The following CYP2E1 variants were observed in gnomAD, a reference collection of about 807,000 sequenced individuals.
CYP2E1 encodes the protein cytochrome P450 family 2 subfamily E member 1, also known as cytochrome P450 2E1.
In CYP2E1, 31 loss-of-function variants were observed where a neutral mutation model predicts 42.9. The observed-to-expected ratio is 0.72, with a 90% confidence interval of 0.54 to 0.98. The LOEUF (loss-of-function observed/expected upper bound fraction) is 0.98, where lower values mean the gene tolerates loss of function less well. Among genes scored for constraint, CYP2E1 ranks in the 50% least tolerant of loss-of-function variants. CYP2E1 has a pLI of 0.00. For synonymous variants in CYP2E1, 244 were observed against 248.9 expected, an observed-to-expected ratio of 0.98 and a Z score of 0.19; for missense variants, 565 against 633.2, an observed-to-expected ratio of 0.89 and a Z score of 1.16.
At chr10:133,532,593 T>C (rs201351905) in intron 4 of CYP2E1, 99 bp from the exon 5 acceptor site, 1 of 1,121,402 alleles carries the variant, frequency 8.9e-7, no homozygotes, top group African/African-American at 1.6e-5. Context: ...AAACAATGAT[T>C]ACAGCCACAA....
Position 133,531,608 on chromosome 10 carries a change from A to G in CYP2E1, c.361A>G (p.Thr121Ala). 1 of 1,614,090 alleles carries G rather than the reference A, an allele frequency of 6.2e-7. No individual in the cohort carries two copies. The highest frequency in any genetic ancestry group is 8.5e-7 in the Non-Finnish European group (1 of 1,180,014). ...AGGAATCATTTTTAATAATGGACCT[A>G]CCTGGAAGGACATCCGGCGGTTTTC... ...DRGIIFNNGP[T>A]WKDIRRFSLT... is the part of the protein sequence containing the mutation. Residue 121 changes from threonine (T) to alanine (A), a missense_variant, in exon 3 of 9, where the codon ACC becomes GCC. Physicochemically the swap from Thr to Ala is moderately conservative, Grantham distance 58 (BLOSUM62 0). Transcript: ENST00000252945.
chr10:133,527,726 G>A (rs896305308), intron 1 of CYP2E1, among the ~76,000 whole-genome samples, 154 bp downstream of exon 1: 6 of 152,228 alleles, frequency 3.9e-5, no homozygotes, highest in Non-Finnish European at 8.8e-5. Context: ...CACTCAAAAT[G>A]TGTCGCCTGT....
chr10:133,529,247 G>T (rs1851309342), intron 2 of CYP2E1, among the ~76,000 whole-genome samples: 1 of 152,208 alleles, frequency 6.6e-6, no homozygotes, highest in Non-Finnish European at 1.5e-5. Flanking sequence ...GCAGAAAGCG[G>T]CCTGTTCCCT....
intron 8 of CYP2E1, among the ~76,000 whole-genome samples, chr10:133,538,433 C>T (rs935799133): frequency 5.3e-5 from 8 of 152,170 alleles, no homozygotes; most frequent in Non-Finnish European, 1.0e-4. Context: ...GGAGCCCCAG[C>T]TTCTAACAGG....
rs534578330 is a variant in CYP2E1, at chr10:133,538,835, G to A, written c.1353G>A (p.Leu451=). ...GLARMELFLL[L]CAILQHFNLK... ...CTCGCATGGAGTTGTTTCTTTTGTT[G>A]TGTGCCATTTTGCAGCATTTTAATT... The change falls in exon 9 of 9, where the codon TTG becomes TTA. Residue 451 remains leucine, a synonymous_variant. Transcript: ENST00000252945. The A allele has an allele frequency of 1.2e-6, 2 of 1,613,976 alleles. No homozygotes were observed. Among genetic ancestry groups the A allele is most frequent in the South Asian group, 1.1e-5 (1 of 91,062 alleles).
intron 1 of CYP2E1, 39 bp from the exon 2 acceptor site, chr10:133,528,442 C>T (rs1305835814): frequency 6.2e-7 from 1 of 1,606,818 alleles, no homozygotes; most frequent in Non-Finnish European, 8.5e-7. Context: ...ACCTCCTCGC[C>T]GCGCGGCGGG....
At chr10:133,535,580 C>T (rs962819943) in intron 6 of CYP2E1, among the ~76,000 whole-genome samples, 1 of 152,152 alleles carries the variant, frequency 6.6e-6, no homozygotes, top group Admixed American at 6.5e-5. Context: ...GACTACTCTG[C>T]ACTAGGGGAA....
intron 7 of CYP2E1, 80 bp downstream of exon 7, chr10:133,537,330 G>A: frequency 3.3e-6 from 5 of 1,499,690 alleles, no homozygotes; most frequent in Non-Finnish European, 4.6e-6. Context: ...GCAGGATGGG[G>A]GCCCCAAGAC....
Position 133,537,206 on chromosome 10 carries a change from G to A in CYP2E1, c.1111G>A (p.Glu371Lys). 1 of 1,614,052 alleles carries A rather than the reference G, an allele frequency of 6.2e-7. No homozygotes were observed. Among genetic ancestry groups the A allele is most frequent in the East Asian group, 2.2e-5 (1 of 44,874 alleles). Residue 371 changes from glutamate (E) to lysine (K), a missense_variant, in exon 7 of 9, where the codon GAA becomes AAA. By Grantham distance (56) the Glu-to-Lys change is moderately conservative. Transcript: ENST00000252945. ...CCTCGTGCCCTCCAACCTGCCCCAT[G>A]AAGCAACCCGAGACACCATTTTCAG... Reference protein sequence around the residue: ...ITLVPSNLPHEATRDTIFRGY... With the variant: ...ITLVPSNLPHKATRDTIFRGY...
chr10:133,531,572 C>T lies in CYP2E1; in HGVS notation c.338-13C>T. On this transcript the variant is annotated splice_polypyrimidine_tract_variant and intron_variant, in intron 2 of 8. Transcript: ENST00000252945. ...GTATTTAGAATAACCTTCTGCTGGCCCCTCTGCCTTAGGAATCATTTTTAA... is the reference window on the plus strand; with the variant it reads ...GTATTTAGAATAACCTTCTGCTGGCTCCTCTGCCTTAGGAATCATTTTTAA... 1 of 1,614,008 alleles carries T rather than the reference C, an allele frequency of 6.2e-7. No individual in the cohort carries two copies. The highest frequency in any genetic ancestry group is 1.1e-5 in the South Asian group (1 of 91,078).
chr10:133,536,336 G>T (rs898459036), intron 6 of CYP2E1, among the ~76,000 whole-genome samples: 2 of 151,950 alleles, frequency 1.3e-5, no homozygotes, highest in African/African-American at 4.8e-5. Flanking sequence ...CTTAAGCACT[G>T]CTTAGGATGC....
At chr10:133,529,517 A>G (rs1851312501) in intron 2 of CYP2E1, among the ~76,000 whole-genome samples, 1 of 152,262 alleles carries the variant, frequency 6.6e-6, no homozygotes, top group South Asian at 2.1e-4. Flanking sequence ...GAGGCTCCAG[A>G]AAACCTTTGC....
rs41299426 is a variant in CYP2E1 at position 133,532,698 on chromosome 10, A to G, written c.655A>G (p.Asn219Asp). The G allele has an allele frequency of 8.5e-5, 135 of 1,593,266 alleles. 1 individual carries two copies. The East Asian group carries it at 1.7e-3, about 20-fold the overall frequency. ...TATTTTTTTCCCTCTCTAGCTTTAC[A>G]ATAATTTTCCCAGCTTTCTACACTA... ...LLSTPWLQLYNNFPSFLHYLP... is the reference protein window; with the variant it reads ...LLSTPWLQLYDNFPSFLHYLP... Residue 219 changes from asparagine to aspartate, a missense_variant, in exon 5 of 9, where the codon AAT becomes GAT. Physicochemically the swap from Asn to Asp is conservative, Grantham distance 23. Coordinates refer to ENST00000252945, the MANE Select transcript of CYP2E1 (RefSeq NM_000773.4).
chr10:133,537,842 A>G lies in CYP2E1; in HGVS notation c.1247A>G (p.Asn416Ser), dbSNP rs1304386663. 6 of 1,613,998 alleles carry G rather than the reference A, an allele frequency of 3.7e-6. 1 individual carries two copies. Among genetic ancestry groups the G allele is most frequent in the Non-Finnish European group, 5.1e-6 (6 of 1,179,896 alleles). The change falls in exon 8 of 9, where the codon AAT (asparagine) becomes AGT (serine). Residue 416 changes from asparagine (N) to serine (S), a missense_variant. By Grantham distance (46) the Asn-to-Ser change is conservative. Coordinates refer to ENST00000252945, the MANE Select transcript of CYP2E1 (RefSeq NM_000773.4). ...AAGTTTAAGCCAGAACACTTCCTGA[A>G]TGAAAATGGAAAGTTCAAGTACAGT... ...PEKFKPEHFL[N>S]ENGKFKYSDY...
chr10:133,535,931 G>GT (rs374342619), intron 6 of CYP2E1, among the ~76,000 whole-genome samples: 22 of 152,256 alleles, frequency 1.4e-4, no homozygotes, highest in African/African-American at 5.3e-4. Context: ...TTGCAGCTTG[G>GT]TTTTTTCACT....
rs765869376 is a variant in CYP2E1, at chr10:133,533,841, C to G, written c.911C>G (p.Thr304Ser). 1.2e-6 allele frequency: 2 copies of G among 1,614,144 alleles called. No individual in the cohort carries two copies. Among genetic ancestry groups the G allele is most frequent in the Admixed American group, 1.7e-5 (1 of 60,024 alleles). Residue 304 changes from threonine (T) to serine (S), a missense_variant, in exon 6 of 9, where the codon ACC becomes AGC. Thr to Ser is a moderately conservative substitution (Grantham distance 58). Coordinates refer to ENST00000252945, the MANE Select transcript of CYP2E1 (RefSeq NM_000773.4). ...ADLFFAGTET[T>S]STTLRYGLLI... ...CTGTTCTTTGCGGGGACAGAGACCA[C>G]CAGCACAACTCTGAGATATGGGCTC...
In CYP2E1 at chr10:133,532,674, A is replaced by AT. The variant is rs1589954967; in HGVS notation, c.649-11dup. 2 of 1,556,706 alleles carry AT rather than the reference A, an allele frequency of 1.3e-6. No homozygotes were observed. Among genetic ancestry groups the AT allele is most frequent in the Non-Finnish European group, 1.7e-6 (2 of 1,154,980 alleles). On this transcript the variant is annotated splice_polypyrimidine_tract_variant and intron_variant, in intron 4 of 8. Transcript: ENST00000252945. ...TGCATCCAGAAAAAAGTAGTAAAAT[A>AT]TTTTTTTCCCTCTCTAGCTTTACAA...
Position 133,532,426 on chromosome 10 carries a change from A to G in CYP2E1, c.648+142A>G, listed in dbSNP as rs568483402. ...GAGGGGTGTTTGATTAGACAGCCCA[A>G]ATATTCCTCCCAGAGACATCTCTGG... On this transcript the variant is annotated intron_variant, in intron 4 of 8. Transcript: ENST00000252945. 2,256 of 864,896 alleles carry G rather than the reference A, an allele frequency of 2.6e-3. 9 individuals are homozygous for G. The highest frequency in any genetic ancestry group is 3.3e-3 in the Non-Finnish European group (1,886 of 564,820). The allele number at this position is 864,896 out of a possible 1,614,324, so 53.6% of individuals were successfully genotyped here. A position where few individuals can be genotyped will look rare whatever the true frequency, so the allele number is the denominator to read the frequency against.
chr10:133,534,796 CAT>C (rs1282022900), intron 6 of CYP2E1, among the ~76,000 whole-genome samples: 4 of 152,232 alleles, frequency 2.6e-5, no homozygotes, highest in South Asian at 2.1e-4. Flanking sequence ...AGAAAGTCGA[CAT>C]GTGATGGATC....
Sources: allele counts gnomAD v4.1 joint callset (sites outside exome capture counted in the v4.1 genomes callset), GRCh38; gene constraint gnomAD v4.1.1; transcripts MANE v1.5; gene names NCBI Gene and HGNC (gene_info 2026-07-23, HGNC 2026-07-21).